LIG1: variants seen among roughly 807,000 people sequenced by gnomAD.
LIG1 encodes the protein DNA ligase 1.
Under a neutral mutation model 115.7 loss-of-function variants are expected in LIG1, and 70 were observed. The ratio of observed to expected loss-of-function variants is 0.60; its 90% CI spans 0.50 to 0.74. LIG1 has a LOEUF of 0.74. LIG1 is among the 30% of genes least tolerant of loss of function. The probability of loss-of-function intolerance (pLI) is 0.00; values close to 1 mark genes in which losing one functional copy is unlikely to be tolerated. For missense variants in LIG1, 1,115 were observed against 1,225.6 expected (o/e 0.91, Z 1.35); for synonymous variants, 487 against 495.3 (o/e 0.98, Z 0.22).
chr19:48,164,686 G>A (rs1022032676), intron 2 of LIG1, among the ~76,000 whole-genome samples: 2 of 152,246 alleles, frequency 1.3e-5, no homozygotes, highest in African/African-American at 4.8e-5. Context: ...GATTCCCAGG[G>A]AGGAAGTTTT....
rs1037606229 is a variant in LIG1, at chr19:48,115,464, T to C, written c.*185A>G. The stretch of plus-strand genomic sequence containing the variant: ...ACAAAGTAGCTATCCAATAATTATT[T>C]ATTGAAAGAAATGACGGGATGAATC... On this transcript the variant is annotated 3_prime_UTR_variant, in exon 28 of 28. Transcript: ENST00000263274. The C allele has an allele frequency of 1.1e-5, 7 of 619,934 alleles. No individual in the cohort carries two copies. Among genetic ancestry groups the C allele is most frequent in the Admixed American group, 2.5e-5 (1 of 40,472 alleles). The allele number at this position is 619,934 out of a possible 1,614,324, so 38.4% of individuals were successfully genotyped here.
At chr19:48,167,355 T>C (rs1252625752) in intron 1 of LIG1, among the ~76,000 whole-genome samples, 1 of 151,554 alleles carries the variant, frequency 6.6e-6, no homozygotes. Context: ...GCAACAGAAA[T>C]GGTTTTCTTT....
chr19:48,135,108 G>A (rs1019587669), intron 16 of LIG1, among the ~76,000 whole-genome samples: 7 of 152,192 alleles, frequency 4.6e-5, no homozygotes, highest in Admixed American at 2.0e-4. Context: ...CTGGCACTCA[G>A]AAACCTCATG....
In LIG1 at chr19:48,122,973, G is replaced by A; in HGVS notation, c.2193C>T (p.Ala731=). The change falls in exon 23 of 28, where the codon GCC becomes GCT. Residue 731 remains alanine (A), a synonymous_variant. Transcript: ENST00000263274. The surrounding 1 kb of genome is among the most constrained non-coding windows in gnomAD (Gnocchi z 4.3). ...GLMVKTLDVD[A]TYEIAKRSHN... is the part of the protein sequence containing the mutation. Reference sequence around the variant, plus strand: ...GCGATCTCTTGGCGATCTCGTAGGTGGCATCAACATCCAGGGTCTTCACCA... The same window carrying A: ...GCGATCTCTTGGCGATCTCGTAGGTAGCATCAACATCCAGGGTCTTCACCA... The A allele has an allele frequency of 1.2e-6, 2 of 1,613,660 alleles. No homozygotes were observed. The highest frequency in any genetic ancestry group is 1.7e-6 in the Non-Finnish European group (2 of 1,179,966).
Position 48,161,510 on chromosome 19 carries a change from G to A in LIG1, c.108-3C>T. 2 of 1,614,038 alleles carry A rather than the reference G, an allele frequency of 1.2e-6. No homozygotes were observed. Among genetic ancestry groups the A allele is most frequent in the Non-Finnish European group, 1.7e-6 (2 of 1,179,972 alleles). ...CATTCCACTCCTTCAGTGCCGCCCT[G>A]GAAGGTGGGGAAATGGGGGTGTAAA... On this transcript the variant is annotated splice_region_variant and splice_polypyrimidine_tract_variant and intron_variant, in intron 3 of 27. Coordinates refer to ENST00000263274, the MANE Select transcript of LIG1 (RefSeq NM_000234.3).
chr19:48,120,385 T>A (rs2033179356), intron 24 of LIG1: 3 of 985,128 alleles, frequency 3.0e-6, no homozygotes, highest in South Asian at 9.4e-5. Flanking sequence ...GATCACAACT[T>A]TGCAAAAATG....
In LIG1 at chr19:48,117,800, G is replaced by A; in HGVS notation, c.2440-19C>T. Reference sequence around the variant, plus strand: ...CCAGCGCCTGCAGTGAGCAGAGGAAGAGAGGAACAGAGGGTCTGGAATCTC... The same window carrying A: ...CCAGCGCCTGCAGTGAGCAGAGGAAAAGAGGAACAGAGGGTCTGGAATCTC... On this transcript the variant is annotated intron_variant, in intron 25 of 27. Transcript: ENST00000263274. 6.2e-7 allele frequency: 1 copy of A among 1,610,552 alleles called. No individual in the cohort carries two copies. The highest frequency in any genetic ancestry group is 8.5e-7 in the Non-Finnish European group (1 of 1,178,866).
chr19:48,136,940 AG>A, intron 14 of LIG1, 67 bp downstream of exon 14: 1 of 1,253,730 alleles, frequency 8.0e-7, no homozygotes, highest in South Asian at 1.3e-5. Flanking sequence ...TCCAGCTGCC[AG>A]TCCCTCCCTC....
chr19:48,152,758 C>G (rs2035557636), intron 6 of LIG1, among the ~76,000 whole-genome samples: 1 of 152,180 alleles, frequency 6.6e-6, no homozygotes, highest in Non-Finnish European at 1.5e-5. Context: ...GCTGGGTTTT[C>G]ATAGGTTGCT....
chr19:48,131,456 T>C (rs2034019623), intron 18 of LIG1, among the ~76,000 whole-genome samples: 2 of 152,350 alleles, frequency 1.3e-5, no homozygotes, highest in South Asian at 4.1e-4. Flanking sequence ...AATGTCATTA[T>C]GCTCTAGATC....
At position 48,157,759 on chromosome 19, in the gene LIG1, C is replaced by T. The variant is rs531932244; in HGVS notation, c.244-619G>A. Among the ~76,000 whole-genome samples the T allele has an allele frequency of 1.1e-4, 17 of 152,254 alleles. No homozygotes were observed. In the South Asian group the frequency reaches 3.1e-3, roughly 28 times the overall value. On this transcript the variant is annotated intron_variant, in intron 4 of 27. Coordinates refer to ENST00000263274, the MANE Select transcript of LIG1 (RefSeq NM_000234.3). ...ATGGGGCTTCACCACGTTGGCCAGG[C>T]TGGTCTCGAACTCCTGAGCTCAAGC...
At chr19:48,145,523 T>C (rs1275218251) in intron 9 of LIG1, among the ~76,000 whole-genome samples, 1 of 149,686 alleles carries the variant, frequency 6.7e-6, no homozygotes, top group Non-Finnish European at 1.5e-5. Context: ...CCTCAGGATA[T>C]TTTTCAGCTC....
At chr19:48,150,718 G>A (rs1284627964) in intron 7 of LIG1, among the ~76,000 whole-genome samples, 2 of 152,118 alleles carry the variant, frequency 1.3e-5, no homozygotes, top group Non-Finnish European at 2.9e-5. Flanking sequence ...GTCTGAGGCG[G>A]GGGAGTTCTT....
intron 5 of LIG1, chr19:48,154,495 A>G (rs2035712233): frequency 4.9e-6 from 1 of 205,054 alleles, no homozygotes; most frequent in East Asian, 1.1e-4. Flanking sequence ...CCACAAAACT[A>G]AGCTCCAGCT....
rs750166352 is a variant in LIG1, at chr19:48,137,561, G to A, written c.1215C>T (p.Phe405=). The change falls in exon 13 of 28, where the codon TTC becomes TTT. Residue 405 remains phenylalanine, a synonymous_variant. Transcript: ENST00000263274. The surrounding 1 kb of genome is among the most constrained non-coding windows in gnomAD (Gnocchi z 4.3). The stretch of plus-strand genomic sequence containing the variant: ...GCCTGGCGATGTCGCGGAACTTGCT[G>A]AAGACCCCGGAGGCAGTGAGCGGAG... ...PPPPLTASGV[F]SKFRDIARLT... is the part of the protein sequence containing the mutation. 1.9e-6 allele frequency: 3 copies of A among 1,613,474 alleles called. No individual in the cohort carries two copies. The South Asian group carries it at 3.3e-5, about 18-fold the overall frequency.
At position 48,137,099 on chromosome 19, in the gene LIG1, G is replaced by C; in HGVS notation, c.1255-15C>G. 3 of 1,607,482 alleles carry C rather than the reference G, an allele frequency of 1.9e-6. No individual in the cohort carries two copies. Among genetic ancestry groups the C allele is most frequent in the Non-Finnish European group, 2.6e-6 (3 of 1,175,484 alleles). ...TTGGCTGTGGACTGGAGAGTCAGGG[G>C]AAGAGCCGTCAGTGCCTGGTGAAGG... On this transcript the variant is annotated splice_polypyrimidine_tract_variant and intron_variant, in intron 13 of 27. Coordinates refer to ENST00000263274, the MANE Select transcript of LIG1 (RefSeq NM_000234.3). This position sits in a 1 kb window ranked among gnomAD's most constrained non-coding sequence, Gnocchi z 4.3.
intron 14 of LIG1, 78 bp from the exon 15 acceptor site, chr19:48,136,203 G>T (rs915097685): frequency 9.2e-7 from 1 of 1,092,532 alleles, no homozygotes; most frequent in Non-Finnish European, 1.4e-6. Context: ...TGATCTCCTC[G>T]ACCTTGATGT....
At chr19:48,141,707 T>C (rs1006464820) in intron 11 of LIG1, among the ~76,000 whole-genome samples, 6 of 152,196 alleles carry the variant, frequency 3.9e-5, no homozygotes, top group Admixed American at 3.3e-4. Context: ...CTGAAAAACT[T>C]AGGGGGCCTC....
At chr19:48,156,959 A>AAAAAG (rs2035882279) in intron 5 of LIG1, 55 bp downstream of exon 5, 5 of 1,349,802 alleles carry the variant, frequency 3.7e-6, no homozygotes. Flanking sequence ...AAAAAAAAAA[A>AAAAAG]AAAGAGAAAA....
Sources: gnomAD v4.1 joint callset for allele counts (sites outside exome capture counted in the v4.1 genomes callset) on GRCh38, gnomAD v4.1.1 for gene constraint, Gnocchi (gnomAD v3.1) non-coding constraint, MANE v1.5 for transcripts, NCBI Gene and HGNC (gene_info 2026-07-23, HGNC 2026-07-21) for gene names.